CSMD1: variants seen among roughly 807,000 people sequenced by gnomAD.
The protein encoded by CSMD1 is CUB and sushi domain-containing protein 1.
A neutral mutation model predicts 417.5 loss-of-function variants in CSMD1; 213 were observed. The observed-to-expected ratio is 0.51, with a 90% CI of 0.46 to 0.57. The LOEUF (loss-of-function observed/expected upper bound fraction) is 0.57. CSMD1 is among the 20% of genes least tolerant of loss of function. CSMD1 has a pLI of 0.00. For missense variants in CSMD1, 6,923 were observed against 4,529.7 expected, an observed-to-expected ratio of 1.53 and a Z score of -15.17; for synonymous variants, 2,862 against 1,736.8, an observed-to-expected ratio of 1.65 and a Z score of -16.11.
chr8:3,567,047 T>C (rs1799744237), intron 10 of CSMD1, among the ~76,000 whole-genome samples: 1 of 152,202 alleles, frequency 6.6e-6, no homozygotes, highest in Non-Finnish European at 1.5e-5. Flanking sequence ...GATGGTAGAC[T>C]GGATAAAGAA....
At chr8:3,626,238 C>G (rs911729393) in intron 7 of CSMD1, among the ~76,000 whole-genome samples, 4 of 152,184 alleles carry the variant, frequency 2.6e-5, no homozygotes, top group Admixed American at 2.6e-4. Context: ...AGCTGGAGGA[C>G]TTAGGGCCTG....
chr8:3,261,563 T>C (rs7842801), intron 26 of CSMD1, among the ~76,000 whole-genome samples: 108,315 of 152,034 alleles, frequency 0.71, 38,846 homozygotes, highest in Non-Finnish European at 0.76. Context: ...TCATCACAGC[T>C]GTACTCATAG....
At chr8:4,310,747 C>A (rs570324761) in intron 3 of CSMD1, among the ~76,000 whole-genome samples, 1 of 152,210 alleles carries the variant, frequency 6.6e-6, no homozygotes, top group African/African-American at 2.4e-5. Context: ...GTAGCTCCAG[C>A]ATGGAGAGGG....
intron 2 of CSMD1, among the ~76,000 whole-genome samples, chr8:4,634,115 C>A (rs1015165840): frequency 2.0e-5 from 3 of 151,750 alleles, no homozygotes; most frequent in Admixed American, 1.3e-4. Context: ...GGTCTCATTT[C>A]AGCTCTCAAT....
At chr8:3,711,322 G>A (rs551789185) in intron 6 of CSMD1, among the ~76,000 whole-genome samples, 16 of 152,234 alleles carry the variant, frequency 1.1e-4, no homozygotes, top group African/African-American at 2.4e-4. Flanking sequence ...TGTGGAAGAC[G>A]AGGAGGTGGG....
At chr8:3,829,013 C>CCTT (rs1802215985) in intron 5 of CSMD1, among the ~76,000 whole-genome samples, 1 of 151,920 alleles carries the variant, frequency 6.6e-6, no homozygotes, top group African/African-American at 2.4e-5. Context: ...TCTACAATCA[C>CCTT]CTTTCTTTTT....
At chr8:4,147,124 C>A (rs1374813601) in intron 3 of CSMD1, among the ~76,000 whole-genome samples, 1 of 152,000 alleles carries the variant, frequency 6.6e-6, no homozygotes, top group Non-Finnish European at 1.5e-5. Context: ...TGACCAATCT[C>A]TTCCTCAGTT....
chr8:4,258,267 C>T (rs147528208), intron 3 of CSMD1, among the ~76,000 whole-genome samples: 6 of 131,876 alleles, frequency 4.5e-5, no homozygotes, highest in East Asian at 2.3e-4. Context: ...AAAGGCCTGT[C>T]GCTGTGAGCT....
intron 10 of CSMD1, among the ~76,000 whole-genome samples, chr8:3,535,918 T>C (rs1798177544): frequency 6.6e-6 from 1 of 152,140 alleles, no homozygotes; most frequent in African/African-American, 2.4e-5. Context: ...TGGATGCTGC[T>C]TCAAGGCTAG....
At chr8:4,609,918 A>T (rs1026829347) in intron 2 of CSMD1, among the ~76,000 whole-genome samples, 2 of 152,216 alleles carry the variant, frequency 1.3e-5, no homozygotes, top group African/African-American at 2.4e-5. Flanking sequence ...CTTTACAAGG[A>T]AATTATCAGG....
chr8:4,408,625 A>T (rs536333871), intron 3 of CSMD1, among the ~76,000 whole-genome samples: 1 of 152,322 alleles, frequency 6.6e-6, no homozygotes, highest in African/African-American at 2.4e-5. Context: ...TGGAAAATGT[A>T]CTCTATATGA....
At chr8:4,289,509 G>C (rs890187173) in intron 3 of CSMD1, among the ~76,000 whole-genome samples, 1 of 152,160 alleles carries the variant, frequency 6.6e-6, no homozygotes, top group East Asian at 1.9e-4. Flanking sequence ...TCTGTCCACT[G>C]TCAGTATGAG....
At chr8:3,325,701 A>G (rs1353313601) in intron 23 of CSMD1, among the ~76,000 whole-genome samples, 1 of 152,074 alleles carries the variant, frequency 6.6e-6, no homozygotes, top group Non-Finnish European at 1.5e-5. Flanking sequence ...GCAGGCGCCT[A>G]TAATCCCAGC....
intron 5 of CSMD1, among the ~76,000 whole-genome samples, chr8:3,900,475 G>C (rs977874149): frequency 6.6e-6 from 1 of 151,416 alleles, no homozygotes; most frequent in African/African-American, 2.4e-5. Context: ...GGGTGACACT[G>C]TACCTGGTTG....
intron 25 of CSMD1, among the ~76,000 whole-genome samples, chr8:3,298,770 A>T (rs1047974616): frequency 6.6e-6 from 1 of 152,188 alleles, no homozygotes; most frequent in East Asian, 1.9e-4. Flanking sequence ...TTTTACATAA[A>T]ATTCAAATTT....
intron 25 of CSMD1, among the ~76,000 whole-genome samples, chr8:3,301,243 G>A (rs1282181171): frequency 1.3e-5 from 2 of 152,062 alleles, no homozygotes; most frequent in Non-Finnish European, 2.9e-5. Flanking sequence ...GTGCAAGGCA[G>A]CGTTTGCAGG....
At chr8:4,450,755 T>C (rs988857288) in intron 2 of CSMD1, among the ~76,000 whole-genome samples, 3 of 152,220 alleles carry the variant, frequency 2.0e-5, no homozygotes, top group African/African-American at 7.2e-5. Context: ...AACAGCGGTC[T>C]CTTCACAAAT....
intron 3 of CSMD1, among the ~76,000 whole-genome samples, chr8:4,240,964 C>G (rs1047097967): frequency 6.6e-6 from 1 of 151,946 alleles, no homozygotes; most frequent in Non-Finnish European, 1.5e-5. Context: ...TTCTAAATAC[C>G]CTTTAAGTCT....
chr8:4,235,950 C>A (rs1225293118), intron 3 of CSMD1, among the ~76,000 whole-genome samples: 2 of 151,410 alleles, frequency 1.3e-5, no homozygotes, highest in African/African-American at 4.9e-5. Context: ...GTGAAATTAA[C>A]CTAGTTGCCA....
Sources: allele counts gnomAD v4.1 joint callset (sites outside exome capture counted in the v4.1 genomes callset), GRCh38; gene constraint gnomAD v4.1.1; transcripts MANE v1.5; gene names NCBI Gene and HGNC (gene_info 2026-07-23, HGNC 2026-07-21).